Variants in SPOCK3 observed in about 807,000 individuals in gnomAD.
The protein encoded by SPOCK3 is SPARC (osteonectin), cwcv and kazal like domains proteoglycan 3.
In SPOCK3, 30 loss-of-function variants were observed where a neutral mutation model predicts 56.6. That is an observed-to-expected ratio of 0.53 (90% confidence interval 0.40 to 0.72). SPOCK3 has a LOEUF of 0.72. SPOCK3 is among the 30% of genes least tolerant of loss of function. SPOCK3 has a pLI of 0.00. For missense variants in SPOCK3, 527 were observed against 530.0 expected (o/e 0.99, Z 0.06); for synonymous variants, 196 against 183.3 (o/e 1.07, Z -0.56).
At chr4:167,202,950 GGTT>G (rs1733665040) in intron 2 of SPOCK3, among the ~76,000 whole-genome samples, 2 of 151,158 alleles carry the variant, frequency 1.3e-5, no homozygotes, top group African/African-American at 4.9e-5. Context: ...TCTTTTATTT[GGTT>G]TTTTAAAAAG....
chr4:167,159,613 C>T (rs545676021), intron 2 of SPOCK3, among the ~76,000 whole-genome samples: 98 of 152,166 alleles, frequency 6.4e-4, no homozygotes, highest in Non-Finnish European at 1.0e-3. Context: ...ACCAATATCC[C>T]TGATGAACAT....
chr4:166,743,389 G>A lies in SPOCK3; in HGVS notation c.932-1330C>T, dbSNP rs573416631. 4.6e-5 allele frequency among the ~76,000 whole-genome samples: 7 copies of A among 152,116 alleles called. No homozygotes were observed. In the South Asian group the frequency reaches 1.5e-3, roughly 32 times the overall value. ...CAAAGTGGAATAAAGAATGAGATAG[G>A]TGCTTAACATATACATTGTAGTTTA... On this transcript the variant is annotated intron_variant, in intron 8 of 10. Transcript: ENST00000357545.
chr4:167,129,096 C>A (rs1001566890), intron 2 of SPOCK3, among the ~76,000 whole-genome samples: 3 of 152,150 alleles, frequency 2.0e-5, no homozygotes, highest in African/African-American at 7.2e-5. Context: ...GAGAATGACA[C>A]AGAGTAGTGG....
intron 4 of SPOCK3, among the ~76,000 whole-genome samples, chr4:166,968,711 C>A (rs935541484): frequency 2.0e-5 from 3 of 148,358 alleles, no homozygotes; most frequent in African/African-American, 7.9e-5. Flanking sequence ...TCATGGAGAA[C>A]CTCTACTAGG....
At chr4:166,994,774 C>T (rs531533138) in intron 4 of SPOCK3, among the ~76,000 whole-genome samples, 1 of 152,170 alleles carries the variant, frequency 6.6e-6, no homozygotes, top group South Asian at 2.1e-4. Context: ...CTAAGATGTA[C>T]AATCTAAGTA....
At chr4:166,977,158 T>C (rs1415698216) in intron 4 of SPOCK3, among the ~76,000 whole-genome samples, 2 of 152,076 alleles carry the variant, frequency 1.3e-5, no homozygotes, top group African/African-American at 4.8e-5. Flanking sequence ...TTTTAGACAC[T>C]TTACTCAAAA....
At chr4:166,892,675 T>C (rs1211377030) in intron 5 of SPOCK3, among the ~76,000 whole-genome samples, 1 of 152,014 alleles carries the variant, frequency 6.6e-6, no homozygotes, top group Non-Finnish European at 1.5e-5. Context: ...TACCAAAAAA[T>C]GCAAATAATG....
At chr4:167,100,047 T>C (rs953861865) in intron 2 of SPOCK3, among the ~76,000 whole-genome samples, 2 of 152,194 alleles carry the variant, frequency 1.3e-5, no homozygotes, top group Non-Finnish European at 2.9e-5. Context: ...TTCTCACATT[T>C]GATGTGAATT....
chr4:167,058,708 A>G (rs1755206577), intron 3 of SPOCK3, among the ~76,000 whole-genome samples: 2 of 152,170 alleles, frequency 1.3e-5, no homozygotes, highest in African/African-American at 2.4e-5. Context: ...TCCTAAGCCA[A>G]ATGAACAAAG....
At chr4:166,741,442 T>C (rs1281807085) in intron 9 of SPOCK3, among the ~76,000 whole-genome samples, 1 of 152,204 alleles carries the variant, frequency 6.6e-6, no homozygotes, top group African/African-American at 2.4e-5. Flanking sequence ...AAACCACTCA[T>C]ATGTAACAGT....
At chr4:166,869,606 C>G (rs1461216153) in intron 6 of SPOCK3, among the ~76,000 whole-genome samples, 2 of 141,828 alleles carry the variant, frequency 1.4e-5, no homozygotes, top group African/African-American at 5.2e-5. Flanking sequence ...CAATAGAATT[C>G]TGTGTGTGTG....
At chr4:166,777,799 C>G (rs974911657) in intron 7 of SPOCK3, among the ~76,000 whole-genome samples, 1 of 152,110 alleles carries the variant, frequency 6.6e-6, no homozygotes, top group Non-Finnish European at 1.5e-5. Context: ...GGGTTAAATC[C>G]TAGCTCTACC....
intron 4 of SPOCK3, among the ~76,000 whole-genome samples, chr4:166,945,302 A>G (rs1365354438): frequency 6.6e-6 from 1 of 152,164 alleles, no homozygotes; most frequent in Non-Finnish European, 1.5e-5. Flanking sequence ...ATATATACAT[A>G]TAAATACCTA....
intron 4 of SPOCK3, among the ~76,000 whole-genome samples, chr4:166,979,506 C>A (rs886990336): frequency 6.6e-6 from 1 of 152,292 alleles, no homozygotes; most frequent in African/African-American, 2.4e-5. Flanking sequence ...AATACCAATT[C>A]AGATTGCCAA....
intron 2 of SPOCK3, among the ~76,000 whole-genome samples, chr4:167,067,851 C>T (rs1756312248): frequency 6.6e-6 from 1 of 151,768 alleles, no homozygotes; most frequent in Admixed American, 6.6e-5. Context: ...CTTTTTAATT[C>T]ACAGGGTCCC....
At chr4:167,127,535 C>A (rs965472431) in intron 2 of SPOCK3, among the ~76,000 whole-genome samples, 2 of 151,832 alleles carry the variant, frequency 1.3e-5, no homozygotes, top group African/African-American at 4.8e-5. Context: ...TCAAGCAATT[C>A]TCCTGCCTCA....
chr4:167,028,253 T>C (rs1751904952), intron 3 of SPOCK3, among the ~76,000 whole-genome samples: 1 of 151,034 alleles, frequency 6.6e-6, no homozygotes, highest in African/African-American at 2.4e-5. Context: ...AGCTTGGTGG[T>C]ACATGCATTG....
Position 167,190,795 on chromosome 4 carries a change from TATAAG to T in SPOCK3, c.189+43185_189+43189del, listed in dbSNP as rs1390816069. ...ATTTTAAGTTAAATTTTGTGTATGATATAAGATAAGGGTCCAATTTCATTCTGTTT... is the reference window on the plus strand; with the variant it reads ...ATTTTAAGTTAAATTTTGTGTATGATATAAGGGTCCAATTTCATTCTGTTT... On this transcript the variant is annotated intron_variant, in intron 2 of 10. Coordinates refer to ENST00000357545, the MANE Select transcript of SPOCK3 (RefSeq NM_001040159.2). 5.5e-5 allele frequency among the ~76,000 whole-genome samples: 8 copies of T among 145,902 alleles called. 2 individuals carry two copies. The highest frequency in any genetic ancestry group is 1.8e-4 in the African/African-American group (7 of 38,332).
chr4:167,069,020 C>A (rs1756419129), intron 2 of SPOCK3, among the ~76,000 whole-genome samples: 1 of 151,988 alleles, frequency 6.6e-6, no homozygotes, highest in South Asian at 2.1e-4. Context: ...CTAGTTCTTC[C>A]TAGAGATAAA....
Sources: gnomAD v4.1 joint callset for allele counts (sites outside exome capture counted in the v4.1 genomes callset) on GRCh38, gnomAD v4.1.1 for gene constraint, MANE v1.5 for transcripts, NCBI Gene and HGNC (gene_info 2026-07-23, HGNC 2026-07-21) for gene names.